Variants in MAST4 observed in about 807,000 individuals in gnomAD.
MAST4 encodes the protein microtubule associated serine/threonine kinase family member 4, also known as microtubule-associated serine/threonine-protein kinase 4.
Under a neutral mutation model 162.7 loss-of-function variants are expected in MAST4, and 89 were observed. The observed-to-expected ratio is 0.55, with a 90% CI of 0.46 to 0.65. The LOEUF is 0.65. MAST4 is among the 30% of genes least tolerant of loss of function. The probability of loss-of-function intolerance (pLI) is 0.00; values close to 1 mark genes in which losing one functional copy is unlikely to be tolerated. For missense variants in MAST4, 3,153 were observed against 3,374.0 expected, an observed-to-expected ratio of 0.93 and a Z score of 1.62; for synonymous variants, 1,479 against 1,361.1, an observed-to-expected ratio of 1.09 and a Z score of -1.91.
chr5:66,931,656 G>C (rs544517824), intron 4 of MAST4, among the ~76,000 whole-genome samples: 11 of 152,154 alleles, frequency 7.2e-5, no homozygotes, highest in Non-Finnish European at 1.5e-4. Flanking sequence ...GTTTGGAAAT[G>C]GTGTTTTCTT....
At chr5:67,090,307 C>T (rs531434690) in intron 6 of MAST4, 76 bp downstream of exon 6, 2 of 891,052 alleles carry the variant, frequency 2.2e-6, no homozygotes, top group African/African-American at 2.0e-5. Flanking sequence ...CCCCACTTCT[C>T]CCCCTCCCCA....
intron 4 of MAST4, among the ~76,000 whole-genome samples, chr5:67,014,551 G>T (rs1335301563): frequency 1.3e-5 from 2 of 152,176 alleles, no homozygotes; most frequent in Non-Finnish European, 2.9e-5. Context: ...TATTTTTACT[G>T]TGTGGCCTGT....
At chr5:66,936,367 A>C (rs1349422904) in intron 4 of MAST4, among the ~76,000 whole-genome samples, 1 of 152,224 alleles carries the variant, frequency 6.6e-6, no homozygotes, top group Non-Finnish European at 1.5e-5. Flanking sequence ...ATTTTCATGT[A>C]CGTCCCTGTG....
chr5:66,988,725 C>CCCA (rs750923749), intron 4 of MAST4, among the ~76,000 whole-genome samples: 75 of 152,250 alleles, frequency 4.9e-4, no homozygotes, highest in Admixed American at 1.0e-3. Flanking sequence ...TCCACTTATG[C>CCCA]CCAGTTTCTC....
intron 4 of MAST4, among the ~76,000 whole-genome samples, chr5:66,910,420 C>T (rs1379940149): frequency 6.6e-6 from 1 of 152,152 alleles, no homozygotes; most frequent in East Asian, 1.9e-4. Context: ...CTGTATTGTT[C>T]TCTCTTTACC....
chr5:67,165,510 T>G lies in MAST4; in HGVS notation c.6331T>G (p.Leu2111Val), dbSNP rs200370597. The G allele has an allele frequency of 5.9e-5, 96 of 1,613,974 alleles. No homozygotes were observed. Among genetic ancestry groups the G allele is most frequent in the Non-Finnish European group, 6.4e-5 (76 of 1,179,894 alleles). ...KSEKLSSFPS[L>V]QKDGAKEPER... ...TGAAAAGCTCTCCAGTTTCCCATCTTTGCAGAAAGATGGTGCCAAGGAACC... is the reference window on the plus strand; with the variant it reads ...TGAAAAGCTCTCCAGTTTCCCATCTGTGCAGAAAGATGGTGCCAAGGAACC... The change falls in exon 29 of 29, where the codon TTG becomes GTG. Residue 2111 changes from leucine (L) to valine (V), a missense_variant. Leu to Val is a conservative substitution (Grantham distance 32). Transcript: ENST00000403625.
chr5:66,641,653 A>C (rs1745494720), intron 1 of MAST4, among the ~76,000 whole-genome samples: 1 of 152,220 alleles, frequency 6.6e-6, no homozygotes. Flanking sequence ...ATGATGAATC[A>C]GAAACAGCTT....
intron 7 of MAST4, among the ~76,000 whole-genome samples, chr5:67,096,842 A>G (rs1764519504): frequency 6.6e-6 from 1 of 152,130 alleles, no homozygotes; most frequent in East Asian, 1.9e-4. Context: ...CATTTAGATC[A>G]TATTTTTAGA....
Position 67,057,570 on chromosome 5 carries a change from C to G in MAST4, c.763+3078C>G, listed in dbSNP as rs1438372464. ...GGGGAGCCAGAGATTCCTAAAAGAA[C>G]AGTGAATAGCACAGTCTCATTAAAA... On this transcript the variant is annotated intron_variant, in intron 5 of 28. Coordinates refer to ENST00000403625, the MANE Select transcript of MAST4 (RefSeq NM_001164664.2). Among the ~76,000 whole-genome samples, 10 of 124,878 alleles carry G rather than the reference C, an allele frequency of 8.0e-5. No individual in the cohort carries two copies. The East Asian group carries it at 1.3e-3, about 17-fold the overall frequency. 81.9% of individuals were successfully genotyped at this position (124,878 alleles called of 152,430 possible).
chr5:66,648,083 T>TGA (rs375744842), intron 1 of MAST4, among the ~76,000 whole-genome samples: 3,596 of 86,770 alleles, frequency 0.041, 144 homozygotes, highest in East Asian at 0.19. Context: ...TGTGTGTGTG[T>TGA]GAGAGAGAGA....
At chr5:66,958,134 T>A (rs1202425565) in intron 4 of MAST4, among the ~76,000 whole-genome samples, 1 of 152,124 alleles carries the variant, frequency 6.6e-6, no homozygotes, top group Admixed American at 6.5e-5. Flanking sequence ...TGTGTGTGTG[T>A]ATGTGTGAAA....
At chr5:66,774,898 A>G (rs1315378492) in intron 2 of MAST4, among the ~76,000 whole-genome samples, 2 of 152,136 alleles carry the variant, frequency 1.3e-5, no homozygotes, top group East Asian at 3.8e-4. Flanking sequence ...TTATGTGCCT[A>G]GGCGTTATCA....
In MAST4 at chr5:66,663,379, A is replaced by C. The variant is rs544165511; in HGVS notation, c.363+66361A>C. Among the ~76,000 whole-genome samples, 16 of 152,358 alleles carry C rather than the reference A, an allele frequency of 1.1e-4. 1 individual carries two copies. The East Asian group carries it at 1.7e-3, about 17-fold the overall frequency. On this transcript the variant is annotated intron_variant, in intron 1 of 28. Coordinates refer to ENST00000403625, the MANE Select transcript of MAST4 (RefSeq NM_001164664.2). ...GCCTTCATGGAGTTTCAAATGCAGA[A>C]AGGAGACAATTAAACTTAATTTAAA...
chr5:66,952,531 C>G (rs918658887), intron 4 of MAST4, among the ~76,000 whole-genome samples: 3 of 152,152 alleles, frequency 2.0e-5, no homozygotes, highest in African/African-American at 7.2e-5. Context: ...TCCCCTCCCC[C>G]GCCATTAACT....
At chr5:66,629,511 A>G (rs1260104430) in intron 1 of MAST4, among the ~76,000 whole-genome samples, 1 of 152,162 alleles carries the variant, frequency 6.6e-6, no homozygotes, top group Admixed American at 6.5e-5. Context: ...AACCATTTCC[A>G]CCTGGGCCCA....
At chr5:66,840,045 A>G (rs764793998) in intron 3 of MAST4, among the ~76,000 whole-genome samples, 19 of 151,598 alleles carry the variant, frequency 1.3e-4, no homozygotes, top group Non-Finnish European at 2.6e-4. Flanking sequence ...TTTTTTTTTG[A>G]GCTTTGGCCT....
At chr5:66,886,480 G>A (rs770465952) in intron 3 of MAST4, among the ~76,000 whole-genome samples, 40 of 151,936 alleles carry the variant, frequency 2.6e-4, no homozygotes, top group Non-Finnish European at 4.6e-4. Flanking sequence ...TTGTTCTAAC[G>A]TCGATTCTCC....
At chr5:66,957,905 A>G (rs566345075) in intron 4 of MAST4, among the ~76,000 whole-genome samples, 18 of 152,304 alleles carry the variant, frequency 1.2e-4, no homozygotes, top group Admixed American at 1.1e-3. Context: ...CCAGGGCACA[A>G]CCTGAACAGC....
At chr5:66,767,789 A>G (rs1384400712) in intron 2 of MAST4, among the ~76,000 whole-genome samples, 1 of 152,146 alleles carries the variant, frequency 6.6e-6, no homozygotes, top group Non-Finnish European at 1.5e-5. Context: ...AGCACGAGAG[A>G]AAGATGTAGG....
Sources: gnomAD v4.1 joint callset for allele counts (sites outside exome capture counted in the v4.1 genomes callset) on GRCh38, gnomAD v4.1.1 for gene constraint, MANE v1.5 for transcripts, NCBI Gene and HGNC (gene_info 2026-07-23, HGNC 2026-07-21) for gene names.